PVT1: variants seen among roughly 807,000 people sequenced by gnomAD.
PVT1 encodes Pvt1 oncogene, also known as CXCR4/PVT1 fusion.
At chr8:127,806,454 C>T (rs181032531) in intron 2 of PVT1, among the ~76,000 whole-genome samples, 119 of 151,194 alleles carry the variant, frequency 7.9e-4, no homozygotes, top group African/African-American at 2.7e-3. Context: ...AGAACGACTC[C>T]GTCTAAAAAA....
chr8:128,039,070 C>T (rs935059667), intron 4 of PVT1, among the ~76,000 whole-genome samples: 5 of 152,120 alleles, frequency 3.3e-5, no homozygotes, highest in South Asian at 2.1e-4. Context: ...CACCAGGTGC[C>T]CCTCCTCTTG....
At chr8:128,059,579 A>C (rs939071928) in intron 4 of PVT1, among the ~76,000 whole-genome samples, 1 of 152,198 alleles carries the variant, frequency 6.6e-6, no homozygotes. Flanking sequence ...TTTTCTTAAC[A>C]TATCTCCTAT....
At chr8:127,867,497 T>C (rs1434312541) in intron 2 of PVT1, among the ~76,000 whole-genome samples, 3 of 152,246 alleles carry the variant, frequency 2.0e-5, no homozygotes, top group Admixed American at 6.5e-5. Context: ...GCGATGCTTC[T>C]GGAGGATGCT....
chr8:127,839,717 G>A (rs1237188088), intron 2 of PVT1, among the ~76,000 whole-genome samples: 1 of 152,174 alleles, frequency 6.6e-6, no homozygotes, highest in East Asian at 1.9e-4. Flanking sequence ...TGGCTCAGCT[G>A]AGGAAGGGAG....
At chr8:127,950,621 C>T (rs887870841) in intron 3 of PVT1, among the ~76,000 whole-genome samples, 1 of 152,206 alleles carries the variant, frequency 6.6e-6, no homozygotes, top group African/African-American at 2.4e-5. Flanking sequence ...GAAGAGACAG[C>T]TGGCAGTCAC....
In PVT1 at chr8:127,988,390, A is replaced by T. The variant is rs562663923; in HGVS notation, n.783-772A>T. ...ATGAATGGGGTTTTCTGTGGGGGCC[A>T]CACCGGAGCATCACAGTTCTTTGAA... On this transcript the variant is annotated intron_variant and non_coding_transcript_variant, in intron 3 of 10. Coordinates refer to ENST00000651587, the Ensembl canonical transcript of PVT1. Among the ~76,000 whole-genome samples the T allele has an allele frequency of 7.2e-5, 11 of 152,324 alleles. No homozygotes were observed. The South Asian group carries it at 2.3e-3, about 32-fold the overall frequency.
In PVT1 at chr8:128,065,862, G is replaced by A. The variant is rs566591305; in HGVS notation, n.913-4298G>A. Among the ~76,000 whole-genome samples the A allele has an allele frequency of 3.9e-5, 6 of 152,306 alleles. No homozygotes were observed. In the South Asian group the frequency reaches 8.3e-4, roughly 21 times the overall value. ...GAGTCCCTGCCCTGTGGAACCTTTC[G>A]TTCATTCACCTACTCATTTCACAAA... On this transcript the variant is annotated intron_variant and non_coding_transcript_variant, in intron 4 of 10. Transcript: ENST00000651587.
At position 128,058,412 on chromosome 8, in the gene PVT1, A is replaced by G. The variant is rs556554390; in HGVS notation, n.913-11748A>G. On this transcript the variant is annotated intron_variant and non_coding_transcript_variant, in intron 4 of 10. Coordinates refer to ENST00000651587, the Ensembl canonical transcript of PVT1. ...TGTGTGTGTGTGTGTGTGTGTGTGT[A>G]TAGTTGTATGGTGGTATATATATTA... Among the ~76,000 whole-genome samples, 27 of 129,182 alleles carry G rather than the reference A, an allele frequency of 2.1e-4. 1 individual carries two copies. The highest frequency in any genetic ancestry group is 1.3e-3 in the Admixed American group (17 of 12,798). 84.7% of individuals were successfully genotyped at this position (129,182 alleles called of 152,430 possible).
chr8:127,949,877 A>G (rs909770893), intron 3 of PVT1, among the ~76,000 whole-genome samples: 2 of 152,222 alleles, frequency 1.3e-5, no homozygotes, highest in African/African-American at 4.8e-5. Context: ...CAGGCCAGGC[A>G]TCGGCCCAAG....
intron 2 of PVT1, among the ~76,000 whole-genome samples, chr8:127,871,442 G>A (rs556965977): frequency 5.9e-5 from 9 of 152,258 alleles, no homozygotes; most frequent in African/African-American, 2.2e-4. Context: ...GTGTGATGTC[G>A]GCACAGCTGA....
intron 2 of PVT1, among the ~76,000 whole-genome samples, chr8:127,842,115 T>A (rs908383053): frequency 1.3e-5 from 2 of 151,474 alleles, no homozygotes; most frequent in South Asian, 2.1e-4. Flanking sequence ...AAAAGTTGTA[T>A]GGCCCATTTA....
chr8:127,884,449 G>T (rs879130171), intron 2 of PVT1, among the ~76,000 whole-genome samples: 3 of 152,284 alleles, frequency 2.0e-5, no homozygotes, highest in East Asian at 3.9e-4. Context: ...TTGTCTTCTG[G>T]TGAACATATG....
intron 2 of PVT1, among the ~76,000 whole-genome samples, chr8:127,817,113 T>G (rs1178236234): frequency 3.3e-5 from 5 of 151,506 alleles, no homozygotes; most frequent in Non-Finnish European, 7.4e-5. Flanking sequence ...AGTACTGCTG[T>G]TGGATTTTCC....
intron 3 of PVT1, among the ~76,000 whole-genome samples, chr8:127,917,420 A>G (rs1218356903): frequency 2.0e-5 from 3 of 152,188 alleles, no homozygotes; most frequent in African/African-American, 7.2e-5. Flanking sequence ...AATAAAGGAA[A>G]CCAGCTCTCC....
At chr8:127,962,694 TC>T (rs1452520044) in intron 3 of PVT1, among the ~76,000 whole-genome samples, 1 of 152,138 alleles carries the variant, frequency 6.6e-6, no homozygotes, top group Non-Finnish European at 1.5e-5. Flanking sequence ...CCTCCTGGGT[TC>T]AAGTGATTCT....
chr8:127,882,091 G>C (rs1160187853), intron 2 of PVT1, among the ~76,000 whole-genome samples: 1 of 152,136 alleles, frequency 6.6e-6, no homozygotes, highest in Admixed American at 6.6e-5. Flanking sequence ...GAGCTTAAGG[G>C]ATGTGCCCAA....
At chr8:127,826,994 C>CTTTTTTTTTT (rs5894901) in intron 2 of PVT1, among the ~76,000 whole-genome samples, 7 of 113,934 alleles carry the variant, frequency 6.1e-5, no homozygotes, top group South Asian at 2.9e-4. Context: ...TTCTTTTTCT[C>CTTTTTTTTTT]TTTTTTTTTT....
chr8:127,964,939 C>A (rs561459980), intron 3 of PVT1, among the ~76,000 whole-genome samples: 1 of 152,200 alleles, frequency 6.6e-6, no homozygotes, highest in Non-Finnish European at 1.5e-5. Context: ...GGATTACAGG[C>A]GTGAGCCCCC....
intron 4 of PVT1, among the ~76,000 whole-genome samples, chr8:128,023,403 C>T (rs546300857): frequency 4.6e-4 from 70 of 152,302 alleles, no homozygotes; most frequent in Non-Finnish European, 6.5e-4. Context: ...TACTTGACCA[C>T]GCAGATATAT....
Sources: gnomAD v4.1 joint callset for allele counts (sites outside exome capture counted in the v4.1 genomes callset) on GRCh38, gnomAD v4.1.1 for gene constraint, MANE v1.5 for transcripts, NCBI Gene and HGNC (gene_info 2026-07-23, HGNC 2026-07-21) for gene names.